MAP4K5: variants seen among roughly 807,000 people sequenced by gnomAD.
MAP4K5 encodes the protein mitogen-activated protein kinase kinase kinase kinase 5.
MAP4K5 carries 82 observed loss-of-function variants against 135.6 expected under a neutral mutation model. The observed-to-expected ratio is 0.60, with a 90% CI of 0.51 to 0.73. The LOEUF (loss-of-function observed/expected upper bound fraction) is 0.73. Ranked by LOEUF, MAP4K5 falls within the 30% of genes least tolerant of loss-of-function variation. The pLI, the probability that MAP4K5 is intolerant of heterozygous loss-of-function variation, is 0.00. For missense variants in MAP4K5, 907 were observed against 1,010.9 expected (o/e 0.90, Z 1.39); for synonymous variants, 347 against 335.0 (o/e 1.04, Z -0.39).
chr14:50,502,240 G>A (rs1167976829), intron 3 of MAP4K5, among the ~76,000 whole-genome samples: 1 of 152,138 alleles, frequency 6.6e-6, no homozygotes, highest in African/African-American at 2.4e-5. Context: ...GCATAAATGG[G>A]TTAATAACAC....
intron 2 of MAP4K5, among the ~76,000 whole-genome samples, chr14:50,530,889 G>T (rs190044037): frequency 6.0e-4 from 91 of 152,274 alleles, no homozygotes; most frequent in African/African-American, 2.0e-3. Flanking sequence ...AAAGTAAGTA[G>T]AAAGAGGGGA....
intron 2 of MAP4K5, among the ~76,000 whole-genome samples, chr14:50,514,900 CCTTATTCT>C (rs756431749): frequency 8.6e-4 from 82 of 95,848 alleles, no homozygotes; most frequent in Admixed American, 7.0e-3. Flanking sequence ...TCTTGGTCAT[CCTTATTCT>C]TTTTTTTTTT....
intron 2 of MAP4K5, among the ~76,000 whole-genome samples, chr14:50,527,831 T>TA (rs1290151907): frequency 1.9e-5 from 1 of 53,128 alleles, no homozygotes; most frequent in Non-Finnish European, 4.2e-5. Context: ...ATAATAATAA[T>TA]AATAATAAAT....
intron 3 of MAP4K5, 64 bp from the exon 4 acceptor site, chr14:50,486,258 G>A (rs1595501197): frequency 6.7e-6 from 4 of 600,290 alleles, no homozygotes; most frequent in Non-Finnish European, 1.2e-5. Context: ...AAGAAGGAAG[G>A]AAAACTTTAC....
Position 50,506,427 on chromosome 14 carries a change from C to T in MAP4K5, c.109-1570G>A, listed in dbSNP as rs190503874. The stretch of plus-strand genomic sequence containing the variant: ...AGGATGGAGTGCAGCAACAGGATCT[C>T]GGCTCACTGCAGCCTCTGCCTCCTG... On this transcript the variant is annotated intron_variant, in intron 2 of 32. Coordinates refer to ENST00000682126, the MANE Select transcript of MAP4K5 (RefSeq NM_006575.6). Among the ~76,000 whole-genome samples, 39 of 152,242 alleles carry T rather than the reference C, an allele frequency of 2.6e-4. No homozygotes were observed. The East Asian group carries it at 4.2e-3, about 17-fold the overall frequency.
At chr14:50,530,346 C>T (rs1390449698) in intron 2 of MAP4K5, among the ~76,000 whole-genome samples, 2 of 152,080 alleles carry the variant, frequency 1.3e-5, no homozygotes, top group African/African-American at 2.4e-5. Context: ...GCTTTAGTTA[C>T]TACATCTATG....
At chr14:50,482,161 T>C (rs1433695251) in intron 6 of MAP4K5, among the ~76,000 whole-genome samples, 200 bp downstream of exon 6, 1 of 152,234 alleles carries the variant, frequency 6.6e-6, no homozygotes, top group Non-Finnish European at 1.5e-5. Flanking sequence ...AATGAATTCA[T>C]GTGATTCATT....
intron 6 of MAP4K5, among the ~76,000 whole-genome samples, chr14:50,481,408 C>T (rs1473105222): frequency 6.6e-6 from 1 of 151,586 alleles, no homozygotes; most frequent in African/African-American, 2.4e-5. Flanking sequence ...TCAAAATTGA[C>T]TAGAACTTTT....
At chr14:50,555,215 C>A (rs1204416205) in intron 1 of MAP4K5, among the ~76,000 whole-genome samples, 1 of 152,308 alleles carries the variant, frequency 6.6e-6, no homozygotes, top group African/African-American at 2.4e-5. Flanking sequence ...ATGATAGAAG[C>A]CCCAAGTGAA....
At position 50,434,879 on chromosome 14, in the gene MAP4K5, T is replaced by C. The variant is rs1255875658; in HGVS notation, c.1986+83A>G. ...CTATAAATGTTCTGACCCTAGATAG[T>C]AGTATTGGGATCTGCTAATTTTAGC... On this transcript the variant is annotated intron_variant, in intron 27 of 32. Coordinates refer to ENST00000682126, the MANE Select transcript of MAP4K5 (RefSeq NM_006575.6). 1.3e-5 allele frequency: 10 copies of C among 752,582 alleles called. No individual in the cohort carries two copies. The East Asian group carries it at 2.7e-4, about 20-fold the overall frequency. The allele number at this position is 752,582 out of a possible 1,614,324, so 46.6% of individuals were successfully genotyped here.
intron 2 of MAP4K5, among the ~76,000 whole-genome samples, chr14:50,519,950 A>G (rs183138895): frequency 3.0e-4 from 46 of 152,360 alleles, no homozygotes; most frequent in Admixed American, 1.4e-3. Flanking sequence ...CTTTAAAAAT[A>G]TATTAAGTTA....
chr14:50,529,777 C>T (rs980745816), intron 2 of MAP4K5, among the ~76,000 whole-genome samples: 2 of 151,806 alleles, frequency 1.3e-5, no homozygotes, highest in Admixed American at 6.6e-5. Context: ...GGAGACATTA[C>T]GAAGAGAGGA....
intron 17 of MAP4K5, 68 bp from the exon 18 acceptor site, chr14:50,445,262 G>A: frequency 1.4e-6 from 2 of 1,441,064 alleles, no homozygotes; most frequent in South Asian, 1.3e-5. Flanking sequence ...TAGGGAAAGG[G>A]AAATGCACCT....
chr14:50,448,528 T>C (rs556030065), intron 15 of MAP4K5, among the ~76,000 whole-genome samples: 1 of 152,012 alleles, frequency 6.6e-6, no homozygotes, highest in Admixed American at 6.5e-5. Flanking sequence ...GCGTATTTAA[T>C]AACATCATGT....
intron 1 of MAP4K5, chr14:50,560,540 C>A (rs2038826274): frequency 1.8e-6 from 1 of 566,046 alleles, no homozygotes. Context: ...CCTCCAGCTC[C>A]TTCTTCCCCA....
At chr14:50,512,474 A>G (rs1160992242) in intron 2 of MAP4K5, among the ~76,000 whole-genome samples, 1 of 152,166 alleles carries the variant, frequency 6.6e-6, no homozygotes, top group Non-Finnish European at 1.5e-5. Flanking sequence ...GCCAAGATAT[A>G]TTATATGTGG....
intron 2 of MAP4K5, among the ~76,000 whole-genome samples, chr14:50,528,193 C>T (rs955709106): frequency 1.3e-5 from 2 of 152,166 alleles, no homozygotes; most frequent in African/African-American, 4.8e-5. Context: ...CAATGATTCA[C>T]TCCATTTATC....
chr14:50,440,900 A>T (rs1262079034), intron 21 of MAP4K5, among the ~76,000 whole-genome samples: 1 of 152,156 alleles, frequency 6.6e-6, no homozygotes, highest in Non-Finnish European at 1.5e-5. Flanking sequence ...ACTGCTTCCA[A>T]TTCTGGGGCA....
chr14:50,451,226 C>T (rs998227825), intron 14 of MAP4K5, among the ~76,000 whole-genome samples: 6 of 151,494 alleles, frequency 4.0e-5, no homozygotes, highest in African/African-American at 7.3e-5. Flanking sequence ...CTTCAAGTCA[C>T]GGCAACAGAA....
Sources: allele counts gnomAD v4.1 joint callset (sites outside exome capture counted in the v4.1 genomes callset), GRCh38; gene constraint gnomAD v4.1.1; transcripts MANE v1.5; gene names NCBI Gene and HGNC (gene_info 2026-07-23, HGNC 2026-07-21).